The following STIL variants were observed in gnomAD, a reference collection of about 807,000 sequenced individuals.
The protein encoded by STIL is STIL centriolar assembly protein.
In STIL, 55 loss-of-function variants were observed where a neutral mutation model predicts 110.1. The observed-to-expected ratio is 0.50, with a 90% confidence interval of 0.40 to 0.63. The LOEUF (loss-of-function observed/expected upper bound fraction) is 0.63, where lower values mean the gene tolerates loss of function less well. STIL is among the 20% of genes least tolerant of loss of function. The pLI is 0.00. For synonymous variants in STIL, 481 were observed against 530.0 expected (o/e 0.91, Z 1.27); for missense variants, 1,358 against 1,530.0 (o/e 0.89, Z 1.87).
At chr1:47,265,257 A>AAAAAAAAAAAAAAAAAAAAAAG (rs1557714156) in intron 14 of STIL, among the ~76,000 whole-genome samples, 1 of 150,752 alleles carries the variant, frequency 6.6e-6, no homozygotes, top group East Asian at 2.0e-4. Flanking sequence ...AAAAAAAAAA[A>AAAAAAAAAAAAAAAAAAAAAAG]AAACACAAGA....
intron 12 of STIL, 117 bp downstream of exon 12, chr1:47,280,124 C>A (rs943814778): frequency 8.0e-6 from 11 of 1,374,700 alleles, no homozygotes; most frequent in African/African-American, 1.4e-5. Context: ...TTTCCAAGGT[C>A]CCTCCTAATT....
At chr1:47,258,597 A>G (rs1438148940) in intron 16 of STIL, among the ~76,000 whole-genome samples, 3 of 152,194 alleles carry the variant, frequency 2.0e-5, no homozygotes, top group Non-Finnish European at 2.9e-5. Flanking sequence ...GGCCAGGTGC[A>G]GTGGCTCACG....
At chr1:47,288,034 A>G (rs1645355752) in intron 9 of STIL, among the ~76,000 whole-genome samples, 1 of 148,220 alleles carries the variant, frequency 6.7e-6, no homozygotes. Context: ...GGTATTTTAT[A>G]TATAACATAT....
chr1:47,276,750 G>GT (rs1390937296), intron 12 of STIL, among the ~76,000 whole-genome samples: 5 of 144,264 alleles, frequency 3.5e-5, no homozygotes, highest in African/African-American at 5.1e-5. Context: ...GCAGATAGAG[G>GT]TTGCAGTGAG....
chr1:47,304,570 A>G (rs1263815888), intron 3 of STIL, among the ~76,000 whole-genome samples: 1 of 152,206 alleles, frequency 6.6e-6, no homozygotes, highest in Non-Finnish European at 1.5e-5. Flanking sequence ...TCCACTCAAA[A>G]ATTGGTTCAA....
At chr1:47,260,565 T>TG in intron 15 of STIL, 26 bp from the exon 16 acceptor site, 2 of 1,611,564 alleles carry the variant, frequency 1.2e-6, no homozygotes, top group Non-Finnish European at 1.7e-6. Context: ...AAAATTTTTT[T>TG]GAAAAATCAC....
At chr1:47,271,799 A>T (rs1258485473) in intron 13 of STIL, among the ~76,000 whole-genome samples, 1 of 149,944 alleles carries the variant, frequency 6.7e-6, no homozygotes, top group Admixed American at 6.7e-5. Context: ...ACACAGCGAG[A>T]CTCCATTTCA....
In STIL at chr1:47,260,415, T is replaced by C. The variant is rs13376679; in HGVS notation, c.2954A>G (p.His985Arg). The C allele has an allele frequency of 0.29, 466,888 of 1,613,810 alleles. 71,390 individuals carry two copies. The highest frequency in any genetic ancestry group is 0.32 in the Non-Finnish European group (377,856 of 1,179,816). The change falls in exon 16 of 17, where the codon CAT (histidine) becomes CGT (arginine). Residue 985 changes from histidine to arginine, a missense_variant. Transcript: ENST00000371877. The part of the protein sequence containing the change: ...QNVYHTKKKT[H>R]HSRLVDKDCV... ...ATCTTTGTCCACCAGTCTTGAATGATGTGTTTTTTTCTTTGTATGGTAAAC... is the reference window on the plus strand; with the variant it reads ...ATCTTTGTCCACCAGTCTTGAATGACGTGTTTTTTTCTTTGTATGGTAAAC...
intron 16 of STIL, among the ~76,000 whole-genome samples, chr1:47,252,459 T>C (rs2148629892): frequency 6.6e-6 from 1 of 151,770 alleles, no homozygotes; most frequent in South Asian, 2.1e-4. Flanking sequence ...GATTTACAGG[T>C]TTAAAGTGGA....
intron 10 of STIL, 33 bp from the exon 11 acceptor site, chr1:47,282,492 T>G (rs769792149): frequency 1.1e-5 from 14 of 1,315,470 alleles, no homozygotes; most frequent in Non-Finnish European, 1.5e-5. Context: ...AGAAAAGCCT[T>G]TGGTAATCCA....
intron 10 of STIL, chr1:47,283,579 G>A (rs1645208898): frequency 6.6e-6 from 1 of 152,230 alleles, no homozygotes; most frequent in Non-Finnish European, 1.5e-5. Context: ...CACCTCAGCA[G>A]ATTGTAGCAC....
Position 47,260,452 on chromosome 1 carries a change from T to C in STIL, c.2917A>G (p.Arg973Gly). The change falls in exon 16 of 17, where the codon AGA (arginine) becomes GGA (glycine). Residue 973 changes from arginine (R) to glycine (G), a missense_variant. Coordinates refer to ENST00000371877, the MANE Select transcript of STIL (RefSeq NM_001048166.1). Reference sequence around the variant, plus strand: ...TTTGTATGGTAAACGTTTTGGGTTCTGGTGCATTCATGACTGATAATTACT... The same window carrying C: ...TTTGTATGGTAAACGTTTTGGGTTCCGGTGCATTCATGACTGATAATTACT... ...KAVIISHECTRTQNVYHTKKK... is the reference protein window; with the variant it reads ...KAVIISHECTGTQNVYHTKKK... 1 of 1,614,246 alleles carries C rather than the reference T, an allele frequency of 6.2e-7. No individual in the cohort carries two copies. Among genetic ancestry groups the C allele is most frequent in the African/African-American group, 1.3e-5 (1 of 75,068 alleles).
intron 13 of STIL, among the ~76,000 whole-genome samples, chr1:47,270,271 C>T (rs1463212307): frequency 2.0e-5 from 3 of 150,410 alleles, no homozygotes; most frequent in Admixed American, 6.7e-5. Flanking sequence ...CACACACACA[C>T]ACACACACAC....
chr1:47,308,488 T>A (rs1218445672), intron 2 of STIL, among the ~76,000 whole-genome samples: 3 of 151,490 alleles, frequency 2.0e-5, no homozygotes, highest in Non-Finnish European at 2.9e-5. Flanking sequence ...GAGATCACCA[T>A]GTTAAGTGAA....
chr1:47,289,731 G>A, intron 8 of STIL, 146 bp from the exon 9 acceptor site: 5 of 715,070 alleles, frequency 7.0e-6, no homozygotes, highest in Non-Finnish European at 1.2e-5. Flanking sequence ...CACTTAGGAA[G>A]GCAAAAGGTG....
chr1:47,302,304 A>G lies in STIL; in HGVS notation c.195T>C (p.Ala65=). The G allele has an allele frequency of 6.2e-7, 1 of 1,614,176 alleles. No homozygotes were observed. The change falls in exon 4 of 17, where the codon GCT becomes GCC. Residue 65 remains alanine, a synonymous_variant. Coordinates refer to ENST00000371877, the MANE Select transcript of STIL (RefSeq NM_001048166.1). ...TTTTATTCTGCTTAGCATGACGATA[A>G]GCAAGTCGGATGGTCTTCTCAGTCA... is the stretch of plus-strand genomic sequence containing the variant. ...LVVTEKTIRL[A]YRHAKQNKKN...
In STIL at chr1:47,280,868, T is replaced by A; in HGVS notation, c.1590A>T (p.Pro530=). 1 of 1,614,226 alleles carries A rather than the reference T, an allele frequency of 6.2e-7. No individual in the cohort carries two copies. The change falls in exon 12 of 17, where the codon CCA becomes CCT. Residue 530 remains proline (P), a synonymous_variant. Transcript: ENST00000371877. The part of the protein sequence containing the change: ...NSIKPSSHNG[P]SHDIFEKLQT... ...GGAGCTTTTCAAATATATCATGAGATGGCCCATTATGAGAAGATGGTTTAA... is the reference window on the plus strand; with the variant it reads ...GGAGCTTTTCAAATATATCATGAGAAGGCCCATTATGAGAAGATGGTTTAA...
chr1:47,282,229 G>A (rs1645174232), intron 11 of STIL, 116 bp downstream of exon 11: 2 of 717,402 alleles, frequency 2.8e-6, no homozygotes, highest in Non-Finnish European at 5.0e-6. Flanking sequence ...GATAGAAATA[G>A]CTAGATATAT....
chr1:47,269,420 T>C (rs1280060571), intron 14 of STIL, among the ~76,000 whole-genome samples: 2 of 152,162 alleles, frequency 1.3e-5, no homozygotes, highest in Non-Finnish European at 2.9e-5. Flanking sequence ...TAATACATTG[T>C]ATATTTCAAA....
Sources: gnomAD v4.1 joint callset for allele counts (sites outside exome capture counted in the v4.1 genomes callset) on GRCh38, gnomAD v4.1.1 for gene constraint, MANE v1.5 for transcripts, NCBI Gene and HGNC (gene_info 2026-07-23, HGNC 2026-07-21) for gene names.